CDH4: variants seen among roughly 807,000 people sequenced by gnomAD.
CDH4 encodes cadherin 4.
CDH4 carries 33 observed loss-of-function variants against 86.0 expected under a neutral mutation model. That is an observed-to-expected ratio of 0.38 (90% confidence interval 0.29 to 0.51). The LOEUF (loss-of-function observed/expected upper bound fraction) is 0.51, where lower values mean the gene tolerates loss of function less well. Among genes scored for constraint, CDH4 ranks in the 20% least tolerant of loss-of-function variants. CDH4 has a pLI of 0.86. For synonymous variants in CDH4, 555 were observed against 549.4 expected (o/e 1.01, Z -0.14); for missense variants, 1,114 against 1,307.4 (o/e 0.85, Z 2.28).
chr20:61,652,939 T>TTTTTTTTTTTTTTTTTTA (rs1568735009), intron 2 of CDH4, among the ~76,000 whole-genome samples: 8 of 103,754 alleles, frequency 7.7e-5, no homozygotes, highest in African/African-American at 2.5e-4. Context: ...TATTTATTTA[T>TTTTTTTTTTTTTTTTTTA]TTTTTTTTTT....
intron 2 of CDH4, among the ~76,000 whole-genome samples, chr20:61,602,255 C>T (rs532718543): frequency 4.6e-5 from 7 of 152,306 alleles, no homozygotes; most frequent in African/African-American, 1.7e-4. Context: ...AAGGTTCTTG[C>T]TGCATTTCAG....
chr20:61,369,771 G>C (rs1299560355), intron 2 of CDH4: 3 of 152,046 alleles, frequency 2.0e-5, no homozygotes, highest in Non-Finnish European at 4.4e-5. Context: ...AAGGGACAGG[G>C]CTCGGGGGCA....
intron 2 of CDH4, among the ~76,000 whole-genome samples, chr20:61,604,769 T>G (rs146662011): frequency 6.6e-6 from 1 of 152,338 alleles, no homozygotes; most frequent in African/African-American, 2.4e-5. Context: ...TGGGCCGTTC[T>G]TCCATCCAGC....
chr20:61,528,536 A>C (rs2085929502), intron 2 of CDH4, among the ~76,000 whole-genome samples: 3 of 151,632 alleles, frequency 2.0e-5, no homozygotes, highest in Admixed American at 2.0e-4. Context: ...TTGGGAAGTC[A>C]AGACGGGAGG....
At chr20:61,772,486 T>G (rs1457044557) in intron 3 of CDH4, among the ~76,000 whole-genome samples, 3 of 152,254 alleles carry the variant, frequency 2.0e-5, no homozygotes, top group Non-Finnish European at 4.4e-5. Context: ...TTCATGTCCT[T>G]TTCTTGTTTG....
intron 2 of CDH4, among the ~76,000 whole-genome samples, chr20:61,688,605 T>C (rs945050414): frequency 1.3e-5 from 2 of 152,172 alleles, no homozygotes; most frequent in African/African-American, 4.8e-5. Flanking sequence ...ACTCGCAGCA[T>C]CTCTGCAGCT....
chr20:61,527,651 C>G (rs1434463096), intron 2 of CDH4, among the ~76,000 whole-genome samples: 1 of 152,162 alleles, frequency 6.6e-6, no homozygotes, highest in African/African-American at 2.4e-5. Context: ...GTTCAATGCC[C>G]CATGTGGTTT....
intron 2 of CDH4, among the ~76,000 whole-genome samples, chr20:61,333,388 C>T (rs1016184190): frequency 3.3e-5 from 5 of 152,140 alleles, no homozygotes; most frequent in African/African-American, 9.7e-5. Flanking sequence ...TGCAGGGGTG[C>T]GGGTTGTCAA....
intron 9 of CDH4, among the ~76,000 whole-genome samples, chr20:61,919,982 G>GATTGTGTGGAAGCATGGTGTC (rs2054951778): frequency 7.3e-3 from 12 of 1,638 alleles, no homozygotes; most frequent in South Asian, 0.019. Flanking sequence ...GTGGTATCGC[G>GATTGTGTGGAAGCATGGTGTC]GTGATTGCAT....
At chr20:61,548,116 G>T (rs2086102510) in intron 2 of CDH4, among the ~76,000 whole-genome samples, 1 of 152,180 alleles carries the variant, frequency 6.6e-6, no homozygotes, top group African/African-American at 2.4e-5. Flanking sequence ...GGAGAGTGGG[G>T]CTGGAGGTCC....
At chr20:61,775,524 A>G (rs992310878) in intron 4 of CDH4, among the ~76,000 whole-genome samples, 2 of 152,232 alleles carry the variant, frequency 1.3e-5, no homozygotes, top group African/African-American at 4.8e-5. Context: ...GTCTCAGGCA[A>G]TGTGTCAACT....
rs567959372 is a variant in CDH4, at chr20:61,393,804, T to C, written c.169+138867T>C. The stretch of plus-strand genomic sequence containing the variant: ...TGAACTCTTACACCCCAGGGCTCAG[T>C]GTGTGAGAGCTACTGCCACCTTCAC... On this transcript the variant is annotated intron_variant, in intron 2 of 15. Transcript: ENST00000614565. The surrounding 1 kb of genome is among the most constrained non-coding windows in gnomAD (Gnocchi z 4.3). Among the ~76,000 whole-genome samples, 4 of 151,796 alleles carry C rather than the reference T, an allele frequency of 2.6e-5. No individual in the cohort carries two copies. The highest frequency in any genetic ancestry group is 5.9e-5 in the Non-Finnish European group (4 of 67,922).
chr20:61,889,579 G>A (rs1046984947), intron 7 of CDH4, among the ~76,000 whole-genome samples: 1 of 133,570 alleles, frequency 7.5e-6, no homozygotes, highest in Non-Finnish European at 1.6e-5. Flanking sequence ...GATCGATGAT[G>A]AATGAGTTAG....
chr20:61,273,395 T>G (rs2123143239), intron 2 of CDH4, among the ~76,000 whole-genome samples: 1 of 105,182 alleles, frequency 9.5e-6, no homozygotes, highest in Non-Finnish European at 1.8e-5. Context: ...CGTGTGCAGT[T>G]TGGGGGAGTA....
At chr20:61,329,941 G>A (rs936148246) in intron 2 of CDH4, among the ~76,000 whole-genome samples, 2 of 144,844 alleles carry the variant, frequency 1.4e-5, no homozygotes, top group Admixed American at 1.5e-4. Context: ...TGCAGTGTTT[G>A]GTTTTCTGTT....
chr20:61,314,140 G>C (rs2123228535), intron 2 of CDH4, among the ~76,000 whole-genome samples: 1 of 152,272 alleles, frequency 6.6e-6, no homozygotes, highest in African/African-American at 2.4e-5. Context: ...GAACATTTAT[G>C]GTCCGTTCCT....
intron 2 of CDH4, among the ~76,000 whole-genome samples, chr20:61,460,417 C>G (rs1039720789): frequency 6.6e-6 from 1 of 152,180 alleles, no homozygotes; most frequent in Non-Finnish European, 1.5e-5. Flanking sequence ...GATGCCTGGC[C>G]TCATTGGAGA....
At chr20:61,697,686 C>T (rs987426665) in intron 2 of CDH4, among the ~76,000 whole-genome samples, 1 of 152,196 alleles carries the variant, frequency 6.6e-6, no homozygotes, top group Non-Finnish European at 1.5e-5. Flanking sequence ...TTCCCGACTG[C>T]AAACCACTGA....
intron 2 of CDH4, among the ~76,000 whole-genome samples, chr20:61,636,982 G>C (rs1018046097): frequency 6.6e-6 from 1 of 152,128 alleles, no homozygotes; most frequent in African/African-American, 2.4e-5. Context: ...TCCACCCCTC[G>C]GCGTGCAGAG....
Sources: gnomAD v4.1 joint callset for allele counts (sites outside exome capture counted in the v4.1 genomes callset) on GRCh38, gnomAD v4.1.1 for gene constraint, Gnocchi (gnomAD v3.1) non-coding constraint, MANE v1.5 for transcripts, NCBI Gene and HGNC (gene_info 2026-07-23, HGNC 2026-07-21) for gene names.